GNG7: variants seen among roughly 807,000 people sequenced by gnomAD.
The protein encoded by GNG7 is guanine nucleotide-binding protein G(I)/G(S)/G(O) subunit gamma-7.
In GNG7, 1 loss-of-function variant was observed where a neutral mutation model predicts 4.0. The observed-to-expected ratio is 0.25, with a 90% CI of 0.09 to 1.18. The LOEUF is 1.18. GNG7 is among the 50% of genes most tolerant of loss of function. GNG7 has a pLI of 0.50. For synonymous variants in GNG7, 34 were observed against 36.9 expected, an observed-to-expected ratio of 0.92 and a Z score of 0.29; for missense variants, 86 against 91.9, an observed-to-expected ratio of 0.94 and a Z score of 0.26.
intron 2 of GNG7, among the ~76,000 whole-genome samples, chr19:2,599,427 C>T (rs1217050229): frequency 2.0e-5 from 3 of 152,020 alleles, no homozygotes; most frequent in African/African-American, 4.8e-5. Flanking sequence ...GAGAAAGCAC[C>T]GCCCACCCGG....
intron 2 of GNG7, among the ~76,000 whole-genome samples, chr19:2,569,344 C>T (rs912886829): frequency 5.3e-5 from 8 of 152,084 alleles, no homozygotes; most frequent in East Asian, 1.9e-4. Flanking sequence ...GGCGCGATCT[C>T]GGCTCACTGC....
chr19:2,518,485 A>C (rs56211570), intron 4 of GNG7, among the ~76,000 whole-genome samples: 41,289 of 152,020 alleles, frequency 0.27, 5,934 homozygotes, highest in South Asian at 0.36. Flanking sequence ...CCCCTCCCCT[A>C]CTGGTTGGAT....
At chr19:2,697,796 C>G (rs996603483) in intron 1 of GNG7, among the ~76,000 whole-genome samples, 15 of 150,426 alleles carry the variant, frequency 1.0e-4, no homozygotes, top group East Asian at 3.9e-4. Flanking sequence ...TCCCCCCCCC[C>G]GCCCGTCTCT....
intron 2 of GNG7, among the ~76,000 whole-genome samples, chr19:2,588,554 G>A (rs572945635): frequency 6.6e-6 from 1 of 152,202 alleles, no homozygotes; most frequent in East Asian, 1.9e-4. Context: ...GCAGCTGGAC[G>A]CGGGCCCCGT....
chr19:2,639,227 C>CT (rs1225155413), intron 2 of GNG7, among the ~76,000 whole-genome samples: 1 of 136,758 alleles, frequency 7.3e-6, no homozygotes, highest in Non-Finnish European at 1.5e-5. Context: ...GAGTGAGACT[C>CT]TGTCAAAAAA....
chr19:2,621,140 C>T (rs1236436654), intron 2 of GNG7, among the ~76,000 whole-genome samples: 1 of 152,124 alleles, frequency 6.6e-6, no homozygotes, highest in East Asian at 1.9e-4. Flanking sequence ...GCTCACTTCC[C>T]TTGCAAGGGG....
chr19:2,696,538 T>C (rs961781350), intron 1 of GNG7, among the ~76,000 whole-genome samples: 1 of 152,208 alleles, frequency 6.6e-6, no homozygotes, highest in African/African-American at 2.4e-5. Flanking sequence ...CTGTGCTCCA[T>C]TGCCCAAAGG....
At chr19:2,661,299 AAAG>A (rs1983158436) in intron 1 of GNG7, among the ~76,000 whole-genome samples, 3 of 42,972 alleles carry the variant, frequency 7.0e-5, no homozygotes, top group African/African-American at 2.3e-4. Context: ...AGAAAGAAAG[AAAG>A]AGAAAGAAAG....
chr19:2,554,926 C>A (rs527819497), intron 3 of GNG7, among the ~76,000 whole-genome samples: 40 of 152,254 alleles, frequency 2.6e-4, no homozygotes, highest in African/African-American at 9.6e-4. Context: ...AACGTCATCT[C>A]CACTGCAGAC....
chr19:2,574,788 G>A (rs985530301), intron 2 of GNG7, among the ~76,000 whole-genome samples: 3 of 152,220 alleles, frequency 2.0e-5, no homozygotes, highest in African/African-American at 7.2e-5. Flanking sequence ...TACCATGTGA[G>A]AAGCTGCCAG....
intron 2 of GNG7, among the ~76,000 whole-genome samples, chr19:2,623,597 T>C (rs926456985): frequency 6.6e-6 from 1 of 152,116 alleles, no homozygotes; most frequent in African/African-American, 2.4e-5. Flanking sequence ...AAAAACCAAA[T>C]TGGCCAGGTG....
At chr19:2,696,389 A>G (rs935419774) in intron 1 of GNG7, among the ~76,000 whole-genome samples, 8 of 151,960 alleles carry the variant, frequency 5.3e-5, no homozygotes, top group Admixed American at 3.9e-4. Context: ...AAGGGAAGAA[A>G]GAAAGGAAAG....
At chr19:2,570,959 G>A (rs1214544201) in intron 2 of GNG7, among the ~76,000 whole-genome samples, 1 of 140,498 alleles carries the variant, frequency 7.1e-6, no homozygotes, top group Admixed American at 7.0e-5. Flanking sequence ...CACCACGCCT[G>A]GCTAATGTTT....
At chr19:2,679,676 A>C (rs148564038) in intron 1 of GNG7, among the ~76,000 whole-genome samples, 37 of 152,296 alleles carry the variant, frequency 2.4e-4, no homozygotes, top group African/African-American at 8.7e-4. Context: ...AGAACCCTCC[A>C]TGATTCGCCA....
At chr19:2,637,075 A>AC (rs961935008) in intron 2 of GNG7, among the ~76,000 whole-genome samples, 10 of 131,448 alleles carry the variant, frequency 7.6e-5, no homozygotes, top group Admixed American at 5.1e-4. Context: ...CCCTACCTGC[A>AC]CCCCCCGCAT....
rs753740492 is a variant in GNG7 at position 2,511,911 on chromosome 19, G to A, written c.*3111C>T. The A allele has an allele frequency of 5.1e-6, 5 of 986,164 alleles. No homozygotes were observed. Among genetic ancestry groups the A allele is most frequent in the Middle Eastern group, 5.2e-4 (1 of 1,936 alleles). The allele number at this position is 986,164 out of a possible 1,614,324, so 61.1% of individuals were successfully genotyped here. A position where few individuals can be genotyped will look rare whatever the true frequency, so the allele number is the denominator to read the frequency against. On this transcript the variant is annotated 3_prime_UTR_variant, in exon 5 of 5. Transcript: ENST00000382159. This position sits in a 1 kb window ranked among gnomAD's most constrained non-coding sequence, Gnocchi z 6.3. ...CTGGAGAGAGGAGGGCAGGGGAGGC[G>A]GAGCTGGTCCGGGAAGGTGCCCAGG...
At position 2,557,564 on chromosome 19, in the gene GNG7, C is replaced by A. The variant is rs573957833; in HGVS notation, c.-77-2376G>T. On this transcript the variant is annotated intron_variant, in intron 2 of 4. Coordinates refer to ENST00000382159, the MANE Select transcript of GNG7 (RefSeq NM_052847.3). The surrounding 1 kb of genome is among the most constrained non-coding windows in gnomAD (Gnocchi z 5.1). ...GGGTCAGCGAATGGAGTTGTAGCACCGTTTCAGGACCGTGATAGAGAAAGA... is the reference window on the plus strand; with the variant it reads ...GGGTCAGCGAATGGAGTTGTAGCACAGTTTCAGGACCGTGATAGAGAAAGA... 6.6e-6 allele frequency among the ~76,000 whole-genome samples: 1 copy of A among 152,172 alleles called. No individual in the cohort carries two copies. The highest frequency in any genetic ancestry group is 1.5e-5 in the Non-Finnish European group (1 of 68,036).
chr19:2,623,827 G>A (rs1181339121), intron 2 of GNG7, among the ~76,000 whole-genome samples: 1 of 152,168 alleles, frequency 6.6e-6, no homozygotes, highest in Non-Finnish European at 1.5e-5. Flanking sequence ...GTTGCAGTGA[G>A]CCGAGGTCGC....
chr19:2,686,896 C>T (rs1019610831), intron 1 of GNG7, among the ~76,000 whole-genome samples: 2 of 151,620 alleles, frequency 1.3e-5, no homozygotes, highest in African/African-American at 2.4e-5. Context: ...GGACTACAGG[C>T]GCCCGCCACC....
Sources: allele counts gnomAD v4.1 joint callset (sites outside exome capture counted in the v4.1 genomes callset), GRCh38; gene constraint gnomAD v4.1.1; non-coding constraint Gnocchi (gnomAD v3.1); transcripts MANE v1.5; gene names NCBI Gene and HGNC (gene_info 2026-07-23, HGNC 2026-07-21).